The following GPM6B variants were observed in gnomAD, a reference collection of about 807,000 sequenced individuals.
GPM6B encodes the protein neuronal membrane glycoprotein M6-b.
In GPM6B, 4 loss-of-function variants were observed where a neutral mutation model predicts 27.2. The observed-to-expected ratio is 0.15, with a 90% CI of 0.07 to 0.34. The LOEUF is 0.34. GPM6B is among the 10% of genes least tolerant of loss of function. GPM6B has a pLI of 1.00. For synonymous variants in GPM6B, 124 were observed against 103.1 expected, an observed-to-expected ratio of 1.20 and a Z score of -1.23; for missense variants, 183 against 261.9, an observed-to-expected ratio of 0.70 and a Z score of 2.08.
At chrX:13,811,909 A>C (rs1409140670) in intron 1 of GPM6B, among the ~76,000 whole-genome samples, 1 of 111,491 alleles carries the variant, frequency 9.0e-6, no homozygotes, top group Non-Finnish European at 1.9e-5. Context: ...GCCACCAATC[A>C]GCAAAATTAT....
chrX:13,930,376 A>C (rs1018262476), intron 1 of GPM6B, among the ~76,000 whole-genome samples: 4 of 111,713 alleles, frequency 3.6e-5, no homozygotes, highest in Non-Finnish European at 3.8e-5. Context: ...GCACTTTGGG[A>C]GGCCGAGGCG....
At chrX:13,791,205 G>T (rs1458329345) in intron 2 of GPM6B, among the ~76,000 whole-genome samples, 12 of 104,940 alleles carry the variant, frequency 1.1e-4, no homozygotes, top group Non-Finnish European at 1.8e-4. Flanking sequence ...TCAATGCCAG[G>T]TTTTTTTTTT....
chrX:13,823,939 G>C (rs1483951423), intron 1 of GPM6B, among the ~76,000 whole-genome samples: 1 of 112,544 alleles, frequency 8.9e-6, no homozygotes, highest in African/African-American at 3.2e-5. Flanking sequence ...CTGCCAAATG[G>C]GCACAGCACA....
intron 2 of GPM6B, among the ~76,000 whole-genome samples, chrX:13,786,592 T>A (rs1341736263): frequency 9.1e-6 from 1 of 110,221 alleles, no homozygotes; most frequent in Non-Finnish European, 1.9e-5. Flanking sequence ...ACCTGCCCCC[T>A]TCCCCGACAC....
chrX:13,926,061 A>T lies in GPM6B; in HGVS notation c.-198+12266T>A, dbSNP rs923104015. On this transcript the variant is annotated intron_variant, in intron 1 of 6. Coordinates refer to the GPM6B transcript ENST00000398361. ...CAGAGCGAGACTCCATCTCAAAAAA[A>T]AAAAATTATTCTATAAGTTCACTGC... Among the ~76,000 whole-genome samples the T allele has an allele frequency of 2.8e-5, 3 of 106,249 alleles. No homozygotes were observed. In the East Asian group the frequency reaches 8.9e-4, roughly 31 times the overall value. The allele number at this position is 106,249 out of a possible 115,157, so 92.3% of individuals were successfully genotyped here.
chrX:13,897,980 A>T (rs2050248392), intron 1 of GPM6B, among the ~76,000 whole-genome samples: 1 of 112,129 alleles, frequency 8.9e-6, no homozygotes, highest in African/African-American at 3.2e-5. Context: ...TTACTTCCCC[A>T]TATCAGTTAG....
intron 1 of GPM6B, among the ~76,000 whole-genome samples, chrX:13,855,200 G>A (rs2049766417): frequency 9.0e-6 from 1 of 111,624 alleles, no homozygotes; most frequent in Admixed American, 9.5e-5. Context: ...TGTATTTTTA[G>A]TAGAGATGAG....
In GPM6B at chrX:13,913,476, C is replaced by A. The variant is rs773520478; in HGVS notation, c.-198+24851G>T. Among the ~76,000 whole-genome samples the A allele has an allele frequency of 2.7e-5, 3 of 111,368 alleles. No individual in the cohort carries two copies. The South Asian group carries it at 1.1e-3, about 42-fold the overall frequency. On this transcript the variant is annotated intron_variant, in intron 1 of 6. Coordinates refer to the GPM6B transcript ENST00000398361. ...CCTCCATTCTTTTTAGATCACTACA[C>A]TGCACCTGACCTTGAGGTAGGGTTA...
chrX:13,798,705 G>A (rs1480684790), intron 2 of GPM6B, among the ~76,000 whole-genome samples: 5 of 112,642 alleles, frequency 4.4e-5, no homozygotes, highest in African/African-American at 1.6e-4. Context: ...GCTACCCCAT[G>A]GACTTCTACT....
chrX:13,817,404 A>G (rs941186432), upstream of GPM6B: 2 of 733,787 alleles, frequency 2.7e-6, no homozygotes, highest in Non-Finnish European at 3.2e-6. Context: ...TTGTGACATC[A>G]GAGGAGGGGA....
intron 1 of GPM6B, among the ~76,000 whole-genome samples, chrX:13,850,317 C>T (rs1259699414): frequency 8.9e-6 from 1 of 112,123 alleles, no homozygotes; most frequent in Non-Finnish European, 1.9e-5. Context: ...TGCTTCCTCT[C>T]TCACACTCTA....
intron 1 of GPM6B, among the ~76,000 whole-genome samples, chrX:13,872,381 G>C (rs2049988598): frequency 9.1e-6 from 1 of 109,996 alleles, no homozygotes; most frequent in Non-Finnish European, 1.9e-5. Flanking sequence ...TGTTGCCCAG[G>C]CTGGTCTCAA....
At chrX:13,832,089 A>T (rs1168742851) in intron 1 of GPM6B, among the ~76,000 whole-genome samples, 1 of 111,881 alleles carries the variant, frequency 8.9e-6, no homozygotes, top group Non-Finnish European at 1.9e-5. Context: ...TTACAATTAA[A>T]AAAACAGGCT....
At chrX:13,807,954 T>C (rs778056030) in intron 1 of GPM6B, among the ~76,000 whole-genome samples, 185 bp from the exon 2 acceptor site, 1 of 112,784 alleles carries the variant, frequency 8.9e-6, no homozygotes, top group South Asian at 3.6e-4. Flanking sequence ...TTGAAGTTTA[T>C]GTAAATCACC....
chrX:13,776,008 C>T (rs1370262574), intron 7 of GPM6B, among the ~76,000 whole-genome samples: 1 of 112,401 alleles, frequency 8.9e-6, no homozygotes, highest in Non-Finnish European at 1.9e-5. Flanking sequence ...GGTGTTGATA[C>T]CCTCTTTTCT....
At chrX:13,919,821 C>T (rs1168280229) in intron 1 of GPM6B, among the ~76,000 whole-genome samples, 1 of 111,497 alleles carries the variant, frequency 9.0e-6, no homozygotes, top group African/African-American at 3.3e-5. Context: ...AGGAGAGAAA[C>T]TGGGGGATGA....
chrX:13,859,509 T>C (rs1182384651), intron 1 of GPM6B, among the ~76,000 whole-genome samples: 1 of 111,653 alleles, frequency 9.0e-6, no homozygotes, highest in African/African-American at 3.3e-5. Context: ...AGTTTGGAGC[T>C]ATTATGAATC....
At chrX:13,878,500 A>T (rs1371796694) in intron 1 of GPM6B, among the ~76,000 whole-genome samples, 12 of 111,990 alleles carry the variant, frequency 1.1e-4, no homozygotes, top group Non-Finnish European at 2.1e-4. Context: ...CTCTGTGCCA[A>T]ATAATTTCAC....
At chrX:13,850,031 C>A (rs757901230) in intron 1 of GPM6B, among the ~76,000 whole-genome samples, 1 of 111,845 alleles carries the variant, frequency 8.9e-6, no homozygotes, top group Admixed American at 9.4e-5. Context: ...TGCGCTCCAG[C>A]CTGGGTGACA....
Sources: allele counts gnomAD v4.1 joint callset (sites outside exome capture counted in the v4.1 genomes callset), GRCh38; gene constraint gnomAD v4.1.1; transcripts MANE v1.5; gene names NCBI Gene and HGNC (gene_info 2026-07-23, HGNC 2026-07-21).